The following HDX variants were observed in gnomAD, a reference collection of about 807,000 sequenced individuals.
The protein encoded by HDX is highly divergent homeobox.
Under a neutral mutation model 45.2 loss-of-function variants are expected in HDX, and 19 were observed. The ratio of observed to expected loss-of-function variants is 0.42; its 90% CI spans 0.29 to 0.62. The LOEUF is 0.62. Among genes scored for constraint, HDX ranks in the 20% least tolerant of loss-of-function variants. HDX has a pLI of 0.20. For missense variants in HDX, 532 were observed against 493.9 expected, an observed-to-expected ratio of 1.08 and a Z score of -0.73; for synonymous variants, 188 against 172.8, an observed-to-expected ratio of 1.09 and a Z score of -0.69.
At chrX:84,335,130 A>C (rs1197567912) in intron 8 of HDX, among the ~76,000 whole-genome samples, 2 of 111,039 alleles carry the variant, frequency 1.8e-5, no homozygotes, top group Non-Finnish European at 3.8e-5. Flanking sequence ...GATGAATCCA[A>C]TATTTTGTTT....
At chrX:84,412,408 T>C (rs1029372482) in intron 5 of HDX, among the ~76,000 whole-genome samples, 1 of 111,843 alleles carries the variant, frequency 8.9e-6, no homozygotes, top group African/African-American at 3.2e-5. Flanking sequence ...TCATTTCCTC[T>C]TCAATTTTGA....
chrX:84,400,271 T>A (rs2038668714), intron 5 of HDX, among the ~76,000 whole-genome samples: 1 of 109,990 alleles, frequency 9.1e-6, no homozygotes, highest in Non-Finnish European at 1.9e-5. Context: ...ATTGTCTCTG[T>A]TTGCAGACAA....
rs1602241892 is a variant in HDX, at chrX:84,322,001, T to C, written c.1961A>G (p.Asp654Gly). Residue 654 changes from aspartate (D) to glycine (G), a missense_variant, in exon 11 of 11, where the codon GAT (aspartate) becomes GGT (glycine). Asp to Gly is a moderately conservative substitution (Grantham distance 94). Around this residue, in one of 3 missense-constraint regions of HDX, gnomAD observed 151 missense variants for 131.8 expected, o/e 1.15. Transcript: ENST00000373177. ...DKEQQQALLS[D>G]LPPELEEMDF... ...CATTTCCTCTAATTCAGGAGGTAAA[T>C]CTGACAGCAGTGCCTGAATAAAAAA... 8.5e-7 allele frequency: 1 copy of C among 1,178,062 alleles called. No homozygotes were observed. Among genetic ancestry groups the C allele is most frequent in the Non-Finnish European group, 1.1e-6 (1 of 872,033 alleles).
chrX:84,490,604 G>T lies in HDX; in HGVS notation c.-109-2472C>A, dbSNP rs192838068. Among the ~76,000 whole-genome samples the T allele has an allele frequency of 1.9e-3, 212 of 110,460 alleles. 4 individuals are homozygous for T. In the East Asian group the frequency reaches 0.054, roughly 28 times the overall value. On this transcript the variant is annotated intron_variant, in intron 1 of 10. Transcript: ENST00000373177. Reference sequence around the variant, plus strand: ...TTCAATTTGGTATTACTTTTCTTCGGTGTGATGATTTCCTTTAACAGTTTT... The same window carrying T: ...TTCAATTTGGTATTACTTTTCTTCGTTGTGATGATTTCCTTTAACAGTTTT...
At chrX:84,378,050 T>C (rs1466904197) in intron 5 of HDX, among the ~76,000 whole-genome samples, 1 of 111,780 alleles carries the variant, frequency 8.9e-6, no homozygotes, top group Non-Finnish European at 1.9e-5. Context: ...CCAATACATC[T>C]GGCAGCAGAC....
At chrX:84,489,169 T>G (rs1402483268) in intron 1 of HDX, among the ~76,000 whole-genome samples, 3 of 111,575 alleles carry the variant, frequency 2.7e-5, no homozygotes, top group Non-Finnish European at 5.7e-5. Context: ...GAAGGATTAC[T>G]ACTGTGCCCT....
At chrX:84,484,654 G>A (rs1314737115) in intron 2 of HDX, among the ~76,000 whole-genome samples, 1 of 111,869 alleles carries the variant, frequency 8.9e-6, no homozygotes, top group Non-Finnish European at 1.9e-5. Flanking sequence ...TAGCATGTAA[G>A]TGTCTCATTT....
chrX:84,326,017 A>G (rs768062965), intron 10 of HDX, among the ~76,000 whole-genome samples, 161 bp downstream of exon 10: 2 of 111,825 alleles, frequency 1.8e-5, no homozygotes, highest in African/African-American at 6.5e-5. Flanking sequence ...CTGAGCATCT[A>G]TTCTCAAGAA....
chrX:84,424,480 C>A (rs2039341175), intron 5 of HDX, among the ~76,000 whole-genome samples: 1 of 110,455 alleles, frequency 9.1e-6, no homozygotes. Context: ...TGCAAGGAAC[C>A]ACAAAAGACC....
intron 5 of HDX, among the ~76,000 whole-genome samples, chrX:84,424,551 C>T (rs977631276): frequency 2.7e-5 from 3 of 111,450 alleles, no homozygotes; most frequent in African/African-American, 9.8e-5. Context: ...CATTACCTGA[C>T]TTCAAATTAT....
At chrX:84,435,738 A>G (rs1464715444) in intron 5 of HDX, among the ~76,000 whole-genome samples, 4 of 106,148 alleles carry the variant, frequency 3.8e-5, no homozygotes, top group Non-Finnish European at 5.8e-5. Context: ...TGATTTTTGT[A>G]TAAGGTGTAA....
intron 1 of HDX, among the ~76,000 whole-genome samples, chrX:84,489,854 G>T (rs1402627109): frequency 8.9e-6 from 1 of 111,860 alleles, no homozygotes; most frequent in Non-Finnish European, 1.9e-5. Context: ...AAAAACTTTT[G>T]TGTAGATTTC....
At chrX:84,354,510 G>A (rs1437442668) in intron 6 of HDX, among the ~76,000 whole-genome samples, 3 of 110,549 alleles carry the variant, frequency 2.7e-5, no homozygotes, top group East Asian at 2.8e-4. Context: ...AATATAATAG[G>A]TGAATATAAT....
At chrX:84,438,166 T>C (rs2039681187) in intron 5 of HDX, among the ~76,000 whole-genome samples, 2 of 111,090 alleles carry the variant, frequency 1.8e-5, no homozygotes, top group African/African-American at 6.5e-5. Flanking sequence ...AGACACCCTG[T>C]AGTTCCTCTA....
chrX:84,380,826 A>T (rs1032332817), intron 5 of HDX, among the ~76,000 whole-genome samples: 1 of 110,897 alleles, frequency 9.0e-6, no homozygotes. Context: ...AAGGAGGCCC[A>T]CTTTCACCAG....
chrX:84,496,257 C>T (rs904395137), intron 1 of HDX, among the ~76,000 whole-genome samples: 2 of 111,636 alleles, frequency 1.8e-5, no homozygotes, highest in Admixed American at 9.5e-5. Flanking sequence ...TTTACAAATG[C>T]GAAAACAGAC....
At chrX:84,362,072 A>C (rs753501249) in intron 5 of HDX, among the ~76,000 whole-genome samples, 2 of 111,628 alleles carry the variant, frequency 1.8e-5, no homozygotes, top group Non-Finnish European at 3.8e-5. Context: ...TTGATAAGTT[A>C]ATCTAGATTT....
At chrX:84,410,657 T>A (rs2038961849) in intron 5 of HDX, among the ~76,000 whole-genome samples, 2 of 111,636 alleles carry the variant, frequency 1.8e-5, no homozygotes, top group African/African-American at 6.5e-5. Flanking sequence ...CACATTTTGT[T>A]GTGAGGATAA....
Position 84,469,396 on chromosome X carries a change from A to G in HDX, c.327T>C (p.Gly109=). ...TTGATGAACTGGCTGGACTGTATAT[A>G]CCAGTTACAATGACATCATTATTGG... The part of the protein sequence containing the change: ...TSANNDVIVT[G]IYSPASSSSR... Residue 109 remains glycine, a synonymous_variant, in exon 4 of 11, where the codon GGT becomes GGC. Coordinates refer to ENST00000373177, the MANE Select transcript of HDX (RefSeq NM_001177479.2). The G allele has an allele frequency of 1.3e-5, 16 of 1,208,933 alleles. No homozygotes were observed. Among genetic ancestry groups the G allele is most frequent in the Non-Finnish European group, 1.6e-5 (14 of 893,404 alleles).
Sources: gnomAD v4.1 joint callset for allele counts (sites outside exome capture counted in the v4.1 genomes callset) on GRCh38, gnomAD v4.1.1 for gene constraint, gnomAD v4.1.1 regional missense constraint, MANE v1.5 for transcripts, NCBI Gene and HGNC (gene_info 2026-07-23, HGNC 2026-07-21) for gene names.